GRIN2B: variants seen among roughly 807,000 people sequenced by gnomAD.
GRIN2B encodes the protein glutamate receptor ionotropic, NMDA 2B.
GRIN2B carries 5 observed loss-of-function variants against 114.5 expected under a neutral mutation model. The ratio of observed to expected loss-of-function variants is 0.04; its 90% CI spans 0.02 to 0.09. The LOEUF (loss-of-function observed/expected upper bound fraction) is 0.09. Among genes scored for constraint, GRIN2B ranks in the 10% least tolerant of loss-of-function variants. The probability of loss-of-function intolerance (pLI) is 1.00; values close to 1 mark genes in which losing one functional copy is unlikely to be tolerated. For synonymous variants in GRIN2B, 787 were observed against 745.1 expected, an observed-to-expected ratio of 1.06 and a Z score of -0.92; for missense variants, 1,108 against 1,943.5, an observed-to-expected ratio of 0.57 and a Z score of 8.08.
chr12:13,877,653 A>G (rs1866010204), intron 2 of GRIN2B, among the ~76,000 whole-genome samples: 1 of 152,168 alleles, frequency 6.6e-6, no homozygotes, highest in South Asian at 2.1e-4. Flanking sequence ...CAGTTCTACC[A>G]CTGACAAGCC....
At chr12:13,919,230 G>A (rs1295073215) in intron 2 of GRIN2B, among the ~76,000 whole-genome samples, 4 of 152,162 alleles carry the variant, frequency 2.6e-5, no homozygotes, top group Admixed American at 2.0e-4. Context: ...TATGTTCAAA[G>A]TTTGGTTCTT....
At chr12:13,791,359 G>A (rs1437594716) in intron 3 of GRIN2B, among the ~76,000 whole-genome samples, 1 of 151,702 alleles carries the variant, frequency 6.6e-6, no homozygotes, top group Non-Finnish European at 1.5e-5. Flanking sequence ...GGCTGAGGCA[G>A]GAGAATGGCA....
chr12:13,578,804 TG>T (rs1948809074), intron 10 of GRIN2B, among the ~76,000 whole-genome samples: 1 of 152,180 alleles, frequency 6.6e-6, no homozygotes, highest in Admixed American at 6.5e-5. Context: ...AAGTTTAGAC[TG>T]GCTGTCCTGA....
intron 3 of GRIN2B, among the ~76,000 whole-genome samples, chr12:13,814,962 A>T (rs1864790440): frequency 6.6e-6 from 1 of 152,088 alleles, no homozygotes; most frequent in Non-Finnish European, 1.5e-5. Context: ...TGATTTTTTA[A>T]ACCTGTATTT....
intron 2 of GRIN2B, among the ~76,000 whole-genome samples, chr12:13,875,521 G>A (rs543727216): frequency 1.3e-5 from 2 of 152,258 alleles, no homozygotes; most frequent in Admixed American, 6.5e-5. Flanking sequence ...GCAAGACTCT[G>A]TCTCAAAAGA....
chr12:13,567,749 C>T (rs1242068965), intron 12 of GRIN2B, among the ~76,000 whole-genome samples: 1 of 151,900 alleles, frequency 6.6e-6, no homozygotes, highest in Admixed American at 6.6e-5. Flanking sequence ...ATAGTATGGT[C>T]GGTGGGAACA....
At chr12:13,837,469 C>A (rs1865293725) in intron 3 of GRIN2B, among the ~76,000 whole-genome samples, 1 of 152,118 alleles carries the variant, frequency 6.6e-6, no homozygotes, top group Non-Finnish European at 1.5e-5. Flanking sequence ...TGCAGGCTGG[C>A]AATCAGAAGG....
At chr12:13,869,241 C>CTTTTTTT in intron 2 of GRIN2B, among the ~76,000 whole-genome samples, 1 of 127,370 alleles carries the variant, frequency 7.9e-6, no homozygotes, top group Non-Finnish European at 1.6e-5. Flanking sequence ...CTTTTTTTTT[C>CTTTTTTT]TTTTTTTTTT....
At chr12:13,790,576 T>C (rs550431707) in intron 3 of GRIN2B, among the ~76,000 whole-genome samples, 8 of 152,352 alleles carry the variant, frequency 5.3e-5, no homozygotes, top group African/African-American at 1.9e-4. Flanking sequence ...AGGTCCCTCA[T>C]TATATTTTCC....
At chr12:13,750,014 A>G (rs1863454441) in intron 4 of GRIN2B, among the ~76,000 whole-genome samples, 1 of 152,200 alleles carries the variant, frequency 6.6e-6, no homozygotes, top group Non-Finnish European at 1.5e-5. Context: ...CAGGTGCAGA[A>G]CCCAAGTAAA....
intron 3 of GRIN2B, among the ~76,000 whole-genome samples, chr12:13,768,482 G>A (rs12319509): frequency 3.9e-4 from 60 of 152,316 alleles, no homozygotes; most frequent in Non-Finnish European, 6.0e-4. Context: ...GATAGCAGGG[G>A]ATGCCTGCAG....
chr12:13,570,386 A>G (rs1948690995), intron 11 of GRIN2B, among the ~76,000 whole-genome samples: 1 of 152,228 alleles, frequency 6.6e-6, no homozygotes, highest in African/African-American at 2.4e-5. Context: ...TTAGATTTAT[A>G]TAACATTTTT....
At chr12:13,739,033 G>C (rs966854862) in intron 4 of GRIN2B, among the ~76,000 whole-genome samples, 3 of 152,104 alleles carry the variant, frequency 2.0e-5, no homozygotes, top group Admixed American at 2.0e-4. Flanking sequence ...ATACATCCCT[G>C]AGGCTGTTGA....
chr12:13,676,214 A>G (rs1220559924), intron 4 of GRIN2B, among the ~76,000 whole-genome samples: 1 of 152,144 alleles, frequency 6.6e-6, no homozygotes, highest in Non-Finnish European at 1.5e-5. Flanking sequence ...GAGGGAGAGC[A>G]TCAGGAAAAA....
intron 2 of GRIN2B, among the ~76,000 whole-genome samples, chr12:13,951,865 G>T (rs939695054): frequency 2.0e-5 from 3 of 152,074 alleles, no homozygotes; most frequent in African/African-American, 7.2e-5. Context: ...GGAAGAAGGG[G>T]ATAAATAGAC....
In GRIN2B at chr12:13,685,097, C is replaced by T. The variant is rs540631221; in HGVS notation, c.1011-9238G>A. On this transcript the variant is annotated intron_variant, in intron 4 of 13. Transcript: ENST00000609686. ...CCCTTGGGTAAGAACCTAAAGTGAC[C>T]TAGGTATGATATCAACGGAAAAGAA... is the stretch of plus-strand genomic sequence containing the variant. 3.3e-5 allele frequency among the ~76,000 whole-genome samples: 5 copies of T among 152,282 alleles called. No homozygotes were observed. The East Asian group carries it at 9.7e-4, about 29-fold the overall frequency.
intron 10 of GRIN2B, among the ~76,000 whole-genome samples, chr12:13,603,305 T>A (rs1384265209): frequency 6.6e-6 from 1 of 152,336 alleles, no homozygotes; most frequent in East Asian, 1.9e-4. Flanking sequence ...GGGGAAAGGA[T>A]CTAACTTGTT....
chr12:13,567,284 G>GA (rs1290452584), intron 12 of GRIN2B, 21 bp from the exon 13 acceptor site: 2 of 1,551,226 alleles, frequency 1.3e-6, no homozygotes, highest in African/African-American at 1.4e-5. Flanking sequence ...GACAGAGAAG[G>GA]AAAATGGATA....
intron 4 of GRIN2B, among the ~76,000 whole-genome samples, chr12:13,690,368 C>G (rs139803385): frequency 0.18 from 14,017 of 78,950 alleles, 827 homozygotes; most frequent in Middle Eastern, 0.35. Context: ...CTCTCTCTCT[C>G]TCTCTCACAC....
Sources: allele counts gnomAD v4.1 joint callset (sites outside exome capture counted in the v4.1 genomes callset), GRCh38; gene constraint gnomAD v4.1.1; transcripts MANE v1.5; gene names NCBI Gene and HGNC (gene_info 2026-07-23, HGNC 2026-07-21).